The following QTMAN variants were observed in gnomAD, a reference collection of about 807,000 sequenced individuals.
QTMAN encodes the protein tRNA-queuosine alpha-mannosyltransferase.
chr2:144,289,139 T>C, the QTMAN span, among the ~76,000 whole-genome samples: 99 of 150,410 alleles, frequency 6.6e-4, 2 homozygotes, highest in Non-Finnish European at 1.4e-3. Flanking sequence ...GTTCACGCCA[T>C]TCTCCTGCCT....
chr2:143,960,810 G>GA, the QTMAN span, among the ~76,000 whole-genome samples: 688 of 146,388 alleles, frequency 4.7e-3, 17 homozygotes, highest in Admixed American at 0.034. Flanking sequence ...TGATAAAAGT[G>GA]AAAAAAAAAA....
At chr2:144,050,749 T>C in the QTMAN span, among the ~76,000 whole-genome samples, 1 of 152,028 alleles carries the variant, frequency 6.6e-6, no homozygotes, top group Non-Finnish European at 1.5e-5. Context: ...GTCAGCTGTG[T>C]TGGTGAAGTT....
the QTMAN span, among the ~76,000 whole-genome samples, chr2:144,167,557 TGATAATGA>T: frequency 6.6e-6 from 1 of 152,150 alleles, no homozygotes; most frequent in Admixed American, 6.6e-5. Context: ...GCTGTTCTCG[TGATAATGA>T]GTGAGTCCAA....
chr2:144,204,650 C>A, the QTMAN span, among the ~76,000 whole-genome samples: 14 of 152,084 alleles, frequency 9.2e-5, no homozygotes, highest in African/African-American at 3.4e-4. Flanking sequence ...TGGGTATATG[C>A]CCAAAGGATT....
the QTMAN span, among the ~76,000 whole-genome samples, chr2:144,196,444 A>G: frequency 6.6e-6 from 1 of 152,180 alleles, no homozygotes; most frequent in African/African-American, 2.4e-5. Flanking sequence ...CTGGATATAC[A>G]GAGAAACTAT....
chr2:144,121,727 A>G, the QTMAN span, among the ~76,000 whole-genome samples: 1 of 152,220 alleles, frequency 6.6e-6, no homozygotes, highest in South Asian at 2.1e-4. Context: ...CTGTAAGGAA[A>G]TATTTGCGGG....
the QTMAN span, among the ~76,000 whole-genome samples, chr2:144,026,833 C>A: frequency 6.6e-6 from 1 of 152,152 alleles, no homozygotes; most frequent in Admixed American, 6.5e-5. Flanking sequence ...ATCCTCATTA[C>A]CATCATCAAA....
At chr2:143,965,244 C>T in the QTMAN span, among the ~76,000 whole-genome samples, 4 of 152,038 alleles carry the variant, frequency 2.6e-5, no homozygotes, top group Non-Finnish European at 5.9e-5. Context: ...ACAAAATGAA[C>T]TTTTAAGGTA....
the QTMAN span, among the ~76,000 whole-genome samples, chr2:144,329,093 A>G: frequency 3.6e-4 from 55 of 152,116 alleles, 1 homozygote; most frequent in South Asian, 0.011. Context: ...CACAAAAAAT[A>G]TTACCTAGGC....
chr2:144,075,016 A>T, the QTMAN span, among the ~76,000 whole-genome samples: 1 of 152,226 alleles, frequency 6.6e-6, no homozygotes, highest in Non-Finnish European at 1.5e-5. Flanking sequence ...TTGAGGTTGG[A>T]AAGCGCAATT....
the QTMAN span, among the ~76,000 whole-genome samples, chr2:144,273,121 G>A: frequency 9.9e-5 from 15 of 151,878 alleles, no homozygotes; most frequent in African/African-American, 3.4e-4. Flanking sequence ...AAGCTCCAGC[G>A]CTTTCATCGC....
chr2:144,225,805 T>TAC, the QTMAN span, among the ~76,000 whole-genome samples: 1 of 152,238 alleles, frequency 6.6e-6, no homozygotes, highest in African/African-American at 2.4e-5. Flanking sequence ...ATTTTGCTTT[T>TAC]ACCCCATTTA....
chr2:144,142,054 G>A, the QTMAN span: 1 of 1,607,380 alleles, frequency 6.2e-7, no homozygotes, highest in Middle Eastern at 1.7e-4. Flanking sequence ...TCAGCCACCA[G>A]GCTGTAAAGG....
chr2:143,958,782 CTT>C, the QTMAN span, among the ~76,000 whole-genome samples: 47 of 113,330 alleles, frequency 4.1e-4, no homozygotes, highest in East Asian at 1.0e-3. Flanking sequence ...TTCTTTCTTT[CTT>C]TTTTTTTTTT....
chr2:144,175,388 G>A, the QTMAN span, among the ~76,000 whole-genome samples: 1 of 151,942 alleles, frequency 6.6e-6, no homozygotes, highest in African/African-American at 2.4e-5. Context: ...ACAAAAGTCT[G>A]CCAAAAAAAA....
chr2:143,941,914 T>A, the QTMAN span: 3 of 152,124 alleles, frequency 2.0e-5, no homozygotes, highest in African/African-American at 7.2e-5. Flanking sequence ...ACAAAAAAAC[T>A]TTGTTTCTGT....
At chr2:144,004,171 C>T in the QTMAN span, among the ~76,000 whole-genome samples, 3 of 151,944 alleles carry the variant, frequency 2.0e-5, no homozygotes, top group Non-Finnish European at 4.4e-5. Flanking sequence ...GAAAACCCCC[C>T]TTTTCAAGCA....
At chr2:143,971,574 A>G in the QTMAN span, among the ~76,000 whole-genome samples, 1 of 152,248 alleles carries the variant, frequency 6.6e-6, no homozygotes, top group South Asian at 2.1e-4. Context: ...ATCAAAATGA[A>G]ATGAGTTTTT....
At chr2:144,057,308 T>A in the QTMAN span, among the ~76,000 whole-genome samples, 10 of 152,352 alleles carry the variant, frequency 6.6e-5, no homozygotes, top group South Asian at 1.7e-3. Context: ...ATCCATTTAT[T>A]CATCCATTAT....
Sources: gnomAD v4.1 joint callset for allele counts (sites outside exome capture counted in the v4.1 genomes callset) on GRCh38, gnomAD v4.1.1 for gene constraint, MANE v1.5 for transcripts, NCBI Gene and HGNC (gene_info 2026-07-23, HGNC 2026-07-21) for gene names.